BMPER: variants seen among roughly 807,000 people sequenced by gnomAD.
BMPER encodes BMP-binding endothelial regulator protein.
BMPER carries 45 observed loss-of-function variants against 87.3 expected under a neutral mutation model. That is an observed-to-expected ratio of 0.52 (90% CI 0.41 to 0.66). The LOEUF is 0.66. Ranked by LOEUF, BMPER falls within the 30% of genes least tolerant of loss-of-function variation. BMPER has a pLI of 0.00. For synonymous variants in BMPER, 326 were observed against 316.2 expected, an observed-to-expected ratio of 1.03 and a Z score of -0.33; for missense variants, 784 against 867.5, an observed-to-expected ratio of 0.90 and a Z score of 1.21.
chr7:34,055,235 G>A lies in BMPER; in HGVS notation c.859G>A (p.Glu287Lys). ...GCDQGQEGCCEECLLRVPPED... is the reference protein window; with the variant it reads ...GCDQGQEGCCKECLLRVPPED... ...TGACCAAGGCCAGGAGGGCTGTTGT[G>A]AAGAGTGCCTCCTACGAGTGCCCCC... is the stretch of plus-strand genomic sequence containing the variant. The change falls in exon 9 of 15, where the codon GAA becomes AAA. Residue 287 changes from glutamate to lysine, a missense_variant. Physicochemically the swap from Glu to Lys is moderately conservative, Grantham distance 56. Transcript: ENST00000649409. The A allele has an allele frequency of 6.2e-7, 1 of 1,614,164 alleles. No homozygotes were observed. Among genetic ancestry groups the A allele is most frequent in the African/African-American group, 1.3e-5 (1 of 75,038 alleles).
At chr7:34,025,106 G>A (rs1787322320) in intron 6 of BMPER, among the ~76,000 whole-genome samples, 1 of 152,054 alleles carries the variant, frequency 6.6e-6, no homozygotes, top group Non-Finnish European at 1.5e-5. Flanking sequence ...TTGTTTGTAT[G>A]TAGTCATGTA....
intron 3 of BMPER, among the ~76,000 whole-genome samples, chr7:33,950,877 C>T (rs1034221521): frequency 1.3e-5 from 2 of 152,156 alleles, no homozygotes; most frequent in Admixed American, 6.5e-5. Context: ...GAGAATGATA[C>T]TTACAGCTAG....
chr7:33,920,418 G>GTTTT (rs879327540), intron 2 of BMPER, among the ~76,000 whole-genome samples: 1,641 of 99,518 alleles, frequency 0.016, 153 homozygotes, highest in African/African-American at 0.024. Context: ...AAACTCCGTT[G>GTTTT]TGTTTTTTTT....
At chr7:34,066,666 G>A in intron 11 of BMPER, among the ~76,000 whole-genome samples, 1 of 152,126 alleles carries the variant, frequency 6.6e-6, no homozygotes, top group South Asian at 2.1e-4. Flanking sequence ...CTGTGTGTTG[G>A]CAAATAGCAG....
Position 34,154,603 on chromosome 7 carries a change from T to TA in BMPER, c.*1331dup, listed in dbSNP as rs1181071402. 6.6e-6 allele frequency: 1 copy of TA among 152,246 alleles called. No homozygotes were observed. The highest frequency in any genetic ancestry group is 1.5e-5 in the Non-Finnish European group (1 of 68,044). The allele number at this position is 152,246 out of a possible 1,614,324, so 9.4% of individuals were successfully genotyped here. A position where few individuals can be genotyped will look rare whatever the true frequency, so the allele number is the denominator to read the frequency against. ...GTATTTAGTTATAATTTTTGTATCT[T>TA]ACAACAGTATATATAAAGACTATTA... On this transcript the variant is annotated 3_prime_UTR_variant, in exon 15 of 15. Transcript: ENST00000649409.
At chr7:33,975,902 A>G (rs1392932989) in intron 6 of BMPER, among the ~76,000 whole-genome samples, 1 of 152,110 alleles carries the variant, frequency 6.6e-6, no homozygotes, top group Non-Finnish European at 1.5e-5. Flanking sequence ...AGGAAATATG[A>G]CGAAATGTGA....
intron 3 of BMPER, among the ~76,000 whole-genome samples, chr7:33,947,456 G>T (rs573431422): frequency 4.0e-4 from 61 of 151,982 alleles, no homozygotes; most frequent in African/African-American, 1.4e-3. Context: ...ACCTTTTCTT[G>T]TCTTTGATTT....
chr7:33,941,204 TA>T (rs1041186500), intron 3 of BMPER, among the ~76,000 whole-genome samples: 1 of 142,848 alleles, frequency 7.0e-6, no homozygotes, highest in Non-Finnish European at 1.5e-5. Flanking sequence ...ATGTTAGAAA[TA>T]AAAATATAAT....
chr7:34,113,466 T>C (rs1376564755), intron 13 of BMPER, among the ~76,000 whole-genome samples: 1 of 111,654 alleles, frequency 9.0e-6, no homozygotes, highest in East Asian at 3.8e-4. Context: ...ACTTTTACAG[T>C]TTCATTTATT....
chr7:33,929,061 T>C (rs1027140351), intron 2 of BMPER, among the ~76,000 whole-genome samples: 3 of 152,138 alleles, frequency 2.0e-5, no homozygotes, highest in African/African-American at 7.2e-5. Context: ...GGGGCCCCAG[T>C]GGGCTTCATA....
chr7:34,095,490 A>T (rs529637093), intron 13 of BMPER, among the ~76,000 whole-genome samples: 5 of 152,174 alleles, frequency 3.3e-5, no homozygotes, highest in Non-Finnish European at 7.3e-5. Context: ...CTTTAAGCTT[A>T]TGTCTTTTCG....
At chr7:33,997,674 C>G (rs768877325) in intron 6 of BMPER, among the ~76,000 whole-genome samples, 1 of 152,148 alleles carries the variant, frequency 6.6e-6, no homozygotes, top group Non-Finnish European at 1.5e-5. Flanking sequence ...GAGTAATATA[C>G]CCTTGTATAC....
chr7:34,102,222 G>C (rs34427715), intron 13 of BMPER, among the ~76,000 whole-genome samples: 28,318 of 151,966 alleles, frequency 0.19, 3,268 homozygotes, highest in Middle Eastern at 0.27. Context: ...AGTTCCTCAT[G>C]GTTATAGCTT....
Position 34,085,990 on chromosome 7 carries a change from G to T in BMPER, c.1643G>T (p.Gly548Val). Residue 548 changes from glycine to valine, a missense_variant, in exon 13 of 15, where the codon GGG becomes GTG. Coordinates refer to ENST00000649409, the MANE Select transcript of BMPER (RefSeq NM_001365308.1). ...QRKPVPELCQ[G>V]TVKVKLRAHR... ...AAGCCAGTGCCTGAACTGTGTCAAG[G>T]GACAGTCAAGGTAAAGCTCCGGGCC... is the stretch of plus-strand genomic sequence containing the variant. 1 of 1,614,090 alleles carries T rather than the reference G, an allele frequency of 6.2e-7. No individual in the cohort carries two copies.
At chr7:34,092,910 T>C (rs961541172) in intron 13 of BMPER, among the ~76,000 whole-genome samples, 4 of 152,214 alleles carry the variant, frequency 2.6e-5, no homozygotes, top group East Asian at 3.8e-4. Context: ...AGAGAAAATA[T>C]AGAAAACTAT....
rs143140210 is a variant in BMPER at position 34,124,003 on chromosome 7, C to T, written c.1746-19227C>T. Among the ~76,000 whole-genome samples, 19 of 152,290 alleles carry T rather than the reference C, an allele frequency of 1.2e-4. No homozygotes were observed. The East Asian group carries it at 3.5e-3, about 28-fold the overall frequency. On this transcript the variant is annotated intron_variant, in intron 13 of 14. Transcript: ENST00000649409. ...TGCTTGGCACATAGAGAGTACTCAG[C>T]AAATCTTAGTTGAATGTACATTTGC... is the stretch of plus-strand genomic sequence containing the variant.
At position 34,051,924 on chromosome 7, in the gene BMPER, A is replaced by T; in HGVS notation, c.740A>T (p.Asn247Ile). The T allele has an allele frequency of 6.2e-7, 1 of 1,613,982 alleles. No individual in the cohort carries two copies. Among genetic ancestry groups the T allele is most frequent in the Non-Finnish European group, 8.5e-7 (1 of 1,179,882 alleles). The stretch of plus-strand genomic sequence containing the variant: ...CTCTTTCGAAGTGATGTTTATGACA[A>T]TGGATCCTCATTTCTGTACGATAAC... The part of the protein sequence containing the change: ...SCLFRSDVYD[N>I]GSSFLYDNCT... Residue 247 changes from asparagine to isoleucine, a missense_variant, in exon 8 of 15, where the codon AAT becomes ATT. Physicochemically the swap from Asn to Ile is moderately radical, Grantham distance 149. Transcript: ENST00000649409.
At chr7:33,925,069 T>C (rs1338712459) in intron 2 of BMPER, among the ~76,000 whole-genome samples, 1 of 152,206 alleles carries the variant, frequency 6.6e-6, no homozygotes, top group Non-Finnish European at 1.5e-5. Flanking sequence ...CATGAGATCA[T>C]GCGTGGGTGT....
At chr7:34,140,030 T>C (rs1051731358) in intron 13 of BMPER, among the ~76,000 whole-genome samples, 6 of 152,190 alleles carry the variant, frequency 3.9e-5, no homozygotes, top group Admixed American at 2.6e-4. Flanking sequence ...AAAGATCGAA[T>C]GTAGTTACTG....
Sources: allele counts gnomAD v4.1 joint callset (sites outside exome capture counted in the v4.1 genomes callset), GRCh38; gene constraint gnomAD v4.1.1; transcripts MANE v1.5; gene names NCBI Gene and HGNC (gene_info 2026-07-23, HGNC 2026-07-21).